FHIT: variants seen among roughly 807,000 people sequenced by gnomAD.
FHIT encodes the protein bis(5'-adenosyl)-triphosphatase.
A neutral mutation model predicts 17.9 loss-of-function variants in FHIT; 19 were observed. The ratio of observed to expected loss-of-function variants is 1.06; its 90% CI spans 0.74 to 1.56. The LOEUF (loss-of-function observed/expected upper bound fraction) is 1.56. Ranked by LOEUF, FHIT falls within the 40% of genes most tolerant of loss-of-function variation. FHIT has a pLI of 0.00. For missense variants in FHIT, 248 were observed against 189.2 expected (o/e 1.31, Z -1.82); for synonymous variants, 81 against 69.7 (o/e 1.16, Z -0.81).
intron 4 of FHIT, among the ~76,000 whole-genome samples, chr3:60,808,719 TA>T (rs1177067755): frequency 6.6e-6 from 1 of 152,182 alleles, no homozygotes; most frequent in African/African-American, 2.4e-5. Context: ...TTGTAAAGGT[TA>T]AAGCAGAGGG....
At chr3:60,254,952 C>CTT (rs1339834115) in intron 5 of FHIT, among the ~76,000 whole-genome samples, 1 of 152,116 alleles carries the variant, frequency 6.6e-6, no homozygotes, top group Admixed American at 6.6e-5. Flanking sequence ...ATTAGATATT[C>CTT]TTTAAGAAAT....
intron 5 of FHIT, among the ~76,000 whole-genome samples, chr3:60,379,473 C>A (rs937602902): frequency 1.3e-5 from 2 of 152,168 alleles, no homozygotes; most frequent in South Asian, 4.2e-4. Context: ...TTCCTGGGAA[C>A]TATATTTTAG....
intron 4 of FHIT, among the ~76,000 whole-genome samples, chr3:60,638,779 T>C (rs1025360548): frequency 6.6e-6 from 1 of 151,902 alleles, no homozygotes; most frequent in Non-Finnish European, 1.5e-5. Flanking sequence ...TAAGAATGAC[T>C]ACAAAAATGC....
chr3:60,541,388 G>A (rs2036180849), intron 4 of FHIT, among the ~76,000 whole-genome samples: 1 of 152,158 alleles, frequency 6.6e-6, no homozygotes. Flanking sequence ...TGATTCAAGT[G>A]ACCTGTGATT....
At chr3:60,691,141 T>C (rs536680097) in intron 4 of FHIT, among the ~76,000 whole-genome samples, 1 of 152,112 alleles carries the variant, frequency 6.6e-6, no homozygotes, top group East Asian at 1.9e-4. Flanking sequence ...GGTTTTGTTT[T>C]TGTTTGTTCG....
At chr3:59,757,172 A>G (rs1255053112) in intron 8 of FHIT, among the ~76,000 whole-genome samples, 1 of 152,196 alleles carries the variant, frequency 6.6e-6, no homozygotes, top group Non-Finnish European at 1.5e-5. Flanking sequence ...CGGTTTTCAC[A>G]GAAGCTTTGT....
At chr3:60,086,342 C>T (rs1032907879) in intron 5 of FHIT, among the ~76,000 whole-genome samples, 1 of 152,138 alleles carries the variant, frequency 6.6e-6, no homozygotes. Flanking sequence ...TTTGAGAAGA[C>T]AAACATCCAA....
At chr3:60,365,036 GTATC>G (rs1190123964) in intron 5 of FHIT, among the ~76,000 whole-genome samples, 1 of 147,474 alleles carries the variant, frequency 6.8e-6, no homozygotes, top group African/African-American at 2.6e-5. Context: ...TTGTATGTAT[GTATC>G]TATCTGAATA....
intron 5 of FHIT, among the ~76,000 whole-genome samples, chr3:60,121,173 C>G (rs1043458906): frequency 6.6e-6 from 1 of 152,098 alleles, no homozygotes; most frequent in African/African-American, 2.4e-5. Context: ...TCACTAGCCT[C>G]AGCAATCAAG....
At chr3:60,187,641 G>T (rs1431156439) in intron 5 of FHIT, among the ~76,000 whole-genome samples, 1 of 152,098 alleles carries the variant, frequency 6.6e-6, no homozygotes. Context: ...CAGAAAAACT[G>T]AACAACAAGC....
chr3:61,120,750 G>A (rs189923649), intron 2 of FHIT, among the ~76,000 whole-genome samples: 68 of 152,112 alleles, frequency 4.5e-4, no homozygotes, highest in Non-Finnish European at 7.9e-4. Flanking sequence ...TGAGTTTGAC[G>A]AATTGACAGA....
intron 4 of FHIT, among the ~76,000 whole-genome samples, chr3:60,597,867 G>A (rs181042321): frequency 6.6e-6 from 1 of 152,246 alleles, no homozygotes; most frequent in East Asian, 1.9e-4. Flanking sequence ...ATTGAGCCAG[G>A]ACTCTCTGTC....
intron 3 of FHIT, among the ~76,000 whole-genome samples, chr3:60,968,937 T>A (rs1040461991): frequency 5.9e-5 from 9 of 152,180 alleles, no homozygotes; most frequent in African/African-American, 2.2e-4. Flanking sequence ...AATGATATAT[T>A]ATTCTTTTTA....
intron 4 of FHIT, among the ~76,000 whole-genome samples, chr3:60,634,176 T>G (rs1321292224): frequency 6.6e-6 from 1 of 152,162 alleles, no homozygotes; most frequent in African/African-American, 2.4e-5. Flanking sequence ...TTCAGTGAGT[T>G]CTGGGGACAC....
intron 7 of FHIT, among the ~76,000 whole-genome samples, chr3:59,925,138 C>G (rs570911189): frequency 6.6e-6 from 1 of 151,708 alleles, no homozygotes; most frequent in South Asian, 2.1e-4. Flanking sequence ...GAATCTCACT[C>G]TGTCACCCAG....
chr3:60,012,352 T>C (rs1370782581), intron 6 of FHIT, among the ~76,000 whole-genome samples: 2 of 147,364 alleles, frequency 1.4e-5, no homozygotes, highest in African/African-American at 5.0e-5. Flanking sequence ...CACTGCACCC[T>C]TGACCTCCTG....
intron 8 of FHIT, among the ~76,000 whole-genome samples, chr3:59,890,239 T>A (rs1703797643): frequency 6.6e-6 from 1 of 152,068 alleles, no homozygotes; most frequent in Non-Finnish European, 1.5e-5. Context: ...ATTATTGCCC[T>A]GTGGGGACTC....
At chr3:60,269,117 T>C (rs1193937710) in intron 5 of FHIT, among the ~76,000 whole-genome samples, 1 of 152,212 alleles carries the variant, frequency 6.6e-6, no homozygotes, top group African/African-American at 2.4e-5. Flanking sequence ...GATTTTATTT[T>C]TGTTGTTTTA....
At chr3:60,892,959 G>T (rs1306362048) in intron 3 of FHIT, among the ~76,000 whole-genome samples, 1 of 152,158 alleles carries the variant, frequency 6.6e-6, no homozygotes, top group Admixed American at 6.5e-5. Context: ...AGAAATCTCT[G>T]TTGTCCAGAT....
Sources: gnomAD v4.1 joint callset for allele counts (sites outside exome capture counted in the v4.1 genomes callset) on GRCh38, gnomAD v4.1.1 for gene constraint, MANE v1.5 for transcripts, NCBI Gene and HGNC (gene_info 2026-07-23, HGNC 2026-07-21) for gene names.